ST6GALNAC3: variants seen among roughly 807,000 people sequenced by gnomAD.
ST6GALNAC3 encodes ST6 N-acetylgalactosaminide alpha-2,6-sialyltransferase 3.
ST6GALNAC3 carries 25 observed loss-of-function variants against 32.7 expected under a neutral mutation model. The observed-to-expected ratio is 0.76, with a 90% CI of 0.56 to 1.07. ST6GALNAC3 has a LOEUF of 1.07. Ranked by LOEUF, ST6GALNAC3 falls within the 50% of genes least tolerant of loss-of-function variation. ST6GALNAC3 has a pLI of 0.00. For synonymous variants in ST6GALNAC3, 129 were observed against 133.1 expected (o/e 0.97, Z 0.21); for missense variants, 355 against 382.4 (o/e 0.93, Z 0.60).
chr1:76,567,631 G>A (rs1665630510), intron 3 of ST6GALNAC3, among the ~76,000 whole-genome samples: 1 of 152,092 alleles, frequency 6.6e-6, no homozygotes, highest in Non-Finnish European at 1.5e-5. Flanking sequence ...TAATTCCCTT[G>A]GTATTTCAGA....
intron 3 of ST6GALNAC3, among the ~76,000 whole-genome samples, chr1:76,547,106 A>G (rs929466998): frequency 1.3e-5 from 2 of 152,234 alleles, no homozygotes; most frequent in African/African-American, 2.4e-5. Flanking sequence ...AGATTTTTCA[A>G]TTGAAAATGG....
chr1:76,220,929 T>C (rs960461494), intron 1 of ST6GALNAC3, among the ~76,000 whole-genome samples: 1 of 152,194 alleles, frequency 6.6e-6, no homozygotes, highest in African/African-American at 2.4e-5. Context: ...TAGTCTGATA[T>C]TTCCAAAGGT....
At chr1:76,494,254 G>T (rs1466850832) in intron 3 of ST6GALNAC3, among the ~76,000 whole-genome samples, 2 of 151,218 alleles carry the variant, frequency 1.3e-5, no homozygotes, top group East Asian at 3.9e-4. Context: ...ACATTCTGGT[G>T]GGGAAACCTA....
chr1:76,314,273 G>A (rs567334090), intron 2 of ST6GALNAC3, among the ~76,000 whole-genome samples: 14 of 152,206 alleles, frequency 9.2e-5, no homozygotes, highest in South Asian at 6.2e-4. Flanking sequence ...GTGGCACAAC[G>A]TACATATCTC....
chr1:76,397,664 A>C (rs772340749), intron 2 of ST6GALNAC3, among the ~76,000 whole-genome samples: 9 of 152,036 alleles, frequency 5.9e-5, no homozygotes, highest in Admixed American at 1.3e-4. Flanking sequence ...GTGAGCCACC[A>C]TGCCCGGCCA....
chr1:76,332,939 T>C (rs1647220082), intron 2 of ST6GALNAC3, among the ~76,000 whole-genome samples: 1 of 152,108 alleles, frequency 6.6e-6, no homozygotes, highest in Non-Finnish European at 1.5e-5. Context: ...AGCTTATACC[T>C]GATTCAACCA....
At chr1:76,595,979 AG>A (rs5775353) in intron 3 of ST6GALNAC3, among the ~76,000 whole-genome samples, 29,772 of 151,934 alleles carry the variant, frequency 0.2, 3,035 homozygotes, top group Middle Eastern at 0.27. Context: ...AGTTTTACTC[AG>A]GGGATGCAGC....
chr1:76,438,339 G>A (rs1410883393), intron 3 of ST6GALNAC3, among the ~76,000 whole-genome samples: 1 of 151,862 alleles, frequency 6.6e-6, no homozygotes, highest in African/African-American at 2.4e-5. Context: ...TTTTAGTAGA[G>A]ACGGGGTTTC....
chr1:76,142,887 T>C (rs749023297), intron 1 of ST6GALNAC3: 1 of 455,428 alleles, frequency 2.2e-6, no homozygotes, highest in South Asian at 1.6e-5. Flanking sequence ...CCACATTGGG[T>C]CAATTCACAT....
intron 1 of ST6GALNAC3, among the ~76,000 whole-genome samples, chr1:76,107,367 G>C (rs1400922022): frequency 6.8e-6 from 1 of 148,058 alleles, no homozygotes; most frequent in East Asian, 2.0e-4. Context: ...TCATTTCACT[G>C]AGAAGGAATG....
At chr1:76,338,932 G>A (rs1647729908) in intron 2 of ST6GALNAC3, among the ~76,000 whole-genome samples, 1 of 152,178 alleles carries the variant, frequency 6.6e-6, no homozygotes, top group African/African-American at 2.4e-5. Flanking sequence ...GTGTATAGTA[G>A]GAGAGTCTGG....
In ST6GALNAC3 at chr1:76,368,976, A is replaced by C. The variant is rs115292522; in HGVS notation, c.214-43032A>C. ...CTCTCTGTCCCCATCAGTGTCTTCC[A>C]CTCTTTTTAGAAGTACTGCCAGCAC... On this transcript the variant is annotated intron_variant, in intron 2 of 4. Coordinates refer to ENST00000328299, the MANE Select transcript of ST6GALNAC3 (RefSeq NM_152996.4). Among the ~76,000 whole-genome samples the C allele has an allele frequency of 6.8e-3, 1,032 of 151,736 alleles. 7 individuals carry two copies. Among genetic ancestry groups the C allele is most frequent in the African/African-American group, 0.024 (1,009 of 41,324 alleles).
rs577817871 is a variant in ST6GALNAC3, at chr1:76,119,982, C to T, written c.18+45098C>T. On this transcript the variant is annotated intron_variant, in intron 1 of 4. Coordinates refer to ENST00000328299, the MANE Select transcript of ST6GALNAC3 (RefSeq NM_152996.4). ...GGGCACAGGCCTGCCTTGTATTCCA[C>T]TCTACCCGGAGTGCCCAGCACTGGG... Among the ~76,000 whole-genome samples, 85 of 152,362 alleles carry T rather than the reference C, an allele frequency of 5.6e-4. No individual in the cohort carries two copies. The Middle Eastern group carries it at 0.01, about 18-fold the overall frequency.
chr1:76,235,321 T>TA (rs1227338116), intron 1 of ST6GALNAC3, among the ~76,000 whole-genome samples: 4 of 151,962 alleles, frequency 2.6e-5, no homozygotes, highest in Non-Finnish European at 5.9e-5. Context: ...GCCTGGGCAG[T>TA]ATGGTGAGAA....
chr1:76,614,683 C>T (rs1570452655), intron 3 of ST6GALNAC3, among the ~76,000 whole-genome samples: 2 of 124,068 alleles, frequency 1.6e-5, no homozygotes, highest in African/African-American at 3.2e-5. Context: ...GGCGCCACTG[C>T]GCTCCAGCCT....
chr1:76,425,047 C>A (rs2101401877), intron 3 of ST6GALNAC3, among the ~76,000 whole-genome samples: 1 of 152,008 alleles, frequency 6.6e-6, no homozygotes. Context: ...TTGCAGATCA[C>A]CCCGATGAAA....
intron 1 of ST6GALNAC3, among the ~76,000 whole-genome samples, chr1:76,277,959 T>C (rs1020486719): frequency 1.3e-5 from 2 of 152,144 alleles, no homozygotes; most frequent in Non-Finnish European, 2.9e-5. Flanking sequence ...GCCTAGACCT[T>C]ATTCTTCAGG....
intron 3 of ST6GALNAC3, among the ~76,000 whole-genome samples, chr1:76,454,643 A>T (rs138970549): frequency 6.6e-6 from 1 of 152,184 alleles, no homozygotes; most frequent in African/African-American, 2.4e-5. Flanking sequence ...GATTCTGTTG[A>T]GAAATCTGTT....
At chr1:76,438,327 A>G (rs1656309325) in intron 3 of ST6GALNAC3, among the ~76,000 whole-genome samples, 2 of 151,774 alleles carry the variant, frequency 1.3e-5, no homozygotes. Flanking sequence ...AATTTTTTGT[A>G]TTTTTAGTAG....
Sources: gnomAD v4.1 joint callset for allele counts (sites outside exome capture counted in the v4.1 genomes callset) on GRCh38, gnomAD v4.1.1 for gene constraint, MANE v1.5 for transcripts, NCBI Gene and HGNC (gene_info 2026-07-23, HGNC 2026-07-21) for gene names.